SNCAIP: variants seen among roughly 807,000 people sequenced by gnomAD.
SNCAIP encodes the protein synphilin-1.
SNCAIP carries 43 observed loss-of-function variants against 86.7 expected under a neutral mutation model. The observed-to-expected ratio is 0.50, with a 90% CI of 0.39 to 0.64. SNCAIP has a LOEUF of 0.64. Ranked by LOEUF, SNCAIP falls within the 30% of genes least tolerant of loss-of-function variation. SNCAIP has a pLI of 0.00. For missense variants in SNCAIP, 981 were observed against 1,103.1 expected, an observed-to-expected ratio of 0.89 and a Z score of 1.57; for synonymous variants, 417 against 427.2, an observed-to-expected ratio of 0.98 and a Z score of 0.29.
intron 1 of SNCAIP, among the ~76,000 whole-genome samples, chr5:122,366,785 A>G (rs1763283051): frequency 6.6e-6 from 1 of 152,158 alleles, no homozygotes; most frequent in Admixed American, 6.5e-5. Flanking sequence ...TCTTCCCTGT[A>G]GGCAGTGGGA....
At chr5:122,452,909 A>G (rs763056845) in intron 10 of SNCAIP, 1 of 1,523,118 alleles carries the variant, frequency 6.6e-7, no homozygotes, top group South Asian at 1.2e-5. Context: ...GATGATTTTT[A>G]ATTGCACCTC....
chr5:122,322,774 TA>T (rs1753233990), intron 1 of SNCAIP, among the ~76,000 whole-genome samples: 1 of 152,212 alleles, frequency 6.6e-6, no homozygotes, highest in Non-Finnish European at 1.5e-5. Flanking sequence ...CTATAGCAGA[TA>T]ACTAAACATT....
chr5:122,404,564 A>G (rs528598807), intron 3 of SNCAIP, among the ~76,000 whole-genome samples: 22 of 152,302 alleles, frequency 1.4e-4, no homozygotes, highest in African/African-American at 5.3e-4. Flanking sequence ...TGGGAGTGAT[A>G]CCATGGTATT....
chr5:122,462,048 A>G (rs1275878941), intron 10 of SNCAIP, among the ~76,000 whole-genome samples: 5 of 152,178 alleles, frequency 3.3e-5, no homozygotes, highest in African/African-American at 9.7e-5. Flanking sequence ...CCTTTTTACA[A>G]TAAAGGTGTC....
intron 1 of SNCAIP, among the ~76,000 whole-genome samples, chr5:122,341,998 C>T (rs1015148672): frequency 6.6e-6 from 1 of 152,140 alleles, no homozygotes; most frequent in Non-Finnish European, 1.5e-5. Flanking sequence ...ATGCTTGCTT[C>T]CTTCAAGCCA....
intron 1 of SNCAIP, among the ~76,000 whole-genome samples, chr5:122,339,166 A>T (rs528306408): frequency 6.6e-6 from 1 of 152,180 alleles, no homozygotes; most frequent in Non-Finnish European, 1.5e-5. Context: ...GACTTTCAAG[A>T]TAAGATAAAA....
intron 1 of SNCAIP, among the ~76,000 whole-genome samples, chr5:122,315,234 G>A (rs1751459356): frequency 6.6e-6 from 1 of 152,198 alleles, no homozygotes; most frequent in Admixed American, 6.5e-5. Context: ...TGGTATAATT[G>A]TGAATGGCTT....
At chr5:122,450,054 A>G in intron 9 of SNCAIP, 117 bp downstream of exon 9, 1 of 756,404 alleles carries the variant, frequency 1.3e-6, no homozygotes, top group Non-Finnish European at 2.2e-6. Context: ...TTCTTCTTAT[A>G]AAGAGGAATA....
At chr5:122,450,289 A>G (rs913219846) in intron 9 of SNCAIP, among the ~76,000 whole-genome samples, 2 of 152,248 alleles carry the variant, frequency 1.3e-5, no homozygotes, top group African/African-American at 4.8e-5. Context: ...TTTATGCAAA[A>G]TTGATGTATA....
chr5:122,365,375 C>T (rs1478285194), intron 1 of SNCAIP, among the ~76,000 whole-genome samples: 2 of 152,174 alleles, frequency 1.3e-5, no homozygotes, highest in Non-Finnish European at 2.9e-5. Context: ...CCAAACTTGG[C>T]TTCTTATAGA....
intron 1 of SNCAIP, among the ~76,000 whole-genome samples, chr5:122,355,645 G>GT (rs1411032787): frequency 6.6e-6 from 1 of 152,150 alleles, no homozygotes; most frequent in Non-Finnish European, 1.5e-5. Context: ...ACCTCACATG[G>GT]TAAGATCCTG....
intron 10 of SNCAIP, chr5:122,453,101 C>T: frequency 1.5e-6 from 1 of 649,798 alleles, no homozygotes; most frequent in Non-Finnish European, 2.7e-6. Context: ...GGGGATAACA[C>T]CAAGGAAGAA....
intron 1 of SNCAIP, among the ~76,000 whole-genome samples, chr5:122,382,916 C>T (rs62381687): frequency 0.073 from 7,308 of 100,492 alleles, no homozygotes; most frequent in African/African-American, 0.14. Flanking sequence ...TCTCCAGCTG[C>T]GTGCTGGGAG....
At chr5:122,323,133 A>G (rs575608585) in intron 1 of SNCAIP, among the ~76,000 whole-genome samples, 2 of 152,212 alleles carry the variant, frequency 1.3e-5, no homozygotes, top group Non-Finnish European at 2.9e-5. Context: ...TCCAAGGCCC[A>G]TGAACTCGGG....
intron 10 of SNCAIP, among the ~76,000 whole-genome samples, chr5:122,461,654 TC>T (rs1287342896): frequency 6.6e-6 from 1 of 150,900 alleles, no homozygotes; most frequent in Non-Finnish European, 1.5e-5. Flanking sequence ...TTCTCTTTGT[TC>T]CTTTTTTATA....
chr5:122,431,561 G>A (rs894424282), intron 5 of SNCAIP, among the ~76,000 whole-genome samples: 2 of 152,112 alleles, frequency 1.3e-5, no homozygotes, highest in African/African-American at 2.4e-5. Context: ...AATGAGAGGA[G>A]GGTGAGAACC....
chr5:122,451,796 T>C (rs1360845940), intron 10 of SNCAIP, 195 bp downstream of exon 10: 12 of 568,930 alleles, frequency 2.1e-5, no homozygotes, highest in Non-Finnish European at 3.4e-5. Flanking sequence ...GCTCTTCTTT[T>C]GGAAAATACT....
chr5:122,425,996 T>A, intron 5 of SNCAIP, among the ~76,000 whole-genome samples: 1 of 152,162 alleles, frequency 6.6e-6, no homozygotes, highest in East Asian at 1.9e-4. Context: ...TTTTTTAGAG[T>A]ATCAGTGCCG....
At chr5:122,442,890 C>T (rs1781370966) in intron 7 of SNCAIP, among the ~76,000 whole-genome samples, 1 of 151,608 alleles carries the variant, frequency 6.6e-6, no homozygotes, top group African/African-American at 2.4e-5. Flanking sequence ...GGGGATCTGT[C>T]CACTGGGTGT....
Sources: gnomAD v4.1 joint callset for allele counts (sites outside exome capture counted in the v4.1 genomes callset) on GRCh38, gnomAD v4.1.1 for gene constraint, MANE v1.5 for transcripts, NCBI Gene and HGNC (gene_info 2026-07-23, HGNC 2026-07-21) for gene names.